The following XRCC4 variants were observed in gnomAD, a reference collection of about 807,000 sequenced individuals.
XRCC4 encodes the protein DNA repair protein XRCC4.
XRCC4 carries 28 observed loss-of-function variants against 39.1 expected under a neutral mutation model. The ratio of observed to expected loss-of-function variants is 0.72; its 90% confidence interval spans 0.53 to 0.98. The LOEUF is 0.98. Among genes scored for constraint, XRCC4 ranks in the 50% least tolerant of loss-of-function variants. The probability of loss-of-function intolerance (pLI) is 0.00; values close to 1 mark genes in which losing one functional copy is unlikely to be tolerated. For synonymous variants in XRCC4, 123 were observed against 126.4 expected, an observed-to-expected ratio of 0.97 and a Z score of 0.18; for missense variants, 350 against 376.4, an observed-to-expected ratio of 0.93 and a Z score of 0.58.
chr5:83,210,576 C>T (rs549454000), intron 6 of XRCC4, among the ~76,000 whole-genome samples: 2 of 152,214 alleles, frequency 1.3e-5, no homozygotes, highest in East Asian at 1.9e-4. Context: ...CACATTAGCA[C>T]GTCTACTCTT....
At chr5:83,096,607 C>A (rs1745690694) in intron 1 of XRCC4, among the ~76,000 whole-genome samples, 1 of 152,154 alleles carries the variant, frequency 6.6e-6, no homozygotes, top group Admixed American at 6.5e-5. Flanking sequence ...AGCCTCCTAC[C>A]TGAATCCCAA....
intron 7 of XRCC4, among the ~76,000 whole-genome samples, chr5:83,332,296 A>G (rs1756464270): frequency 6.6e-6 from 1 of 151,514 alleles, no homozygotes. Context: ...GAAATGGACC[A>G]CTTGCACTGT....
the XRCC4 span, among the ~76,000 whole-genome samples, chr5:83,362,695 A>G: frequency 1.3e-5 from 2 of 152,328 alleles, no homozygotes; most frequent in Admixed American, 1.3e-4. Flanking sequence ...ATCATACAAG[A>G]TACCAGTAAC....
chr5:83,139,133 C>T (rs1748041287), intron 3 of XRCC4, among the ~76,000 whole-genome samples: 1 of 152,082 alleles, frequency 6.6e-6, no homozygotes, highest in South Asian at 2.1e-4. Context: ...AATCCAGTAT[C>T]CCACATTGCA....
intron 7 of XRCC4, among the ~76,000 whole-genome samples, chr5:83,338,133 T>A (rs1756647804): frequency 6.6e-6 from 1 of 152,182 alleles, no homozygotes; most frequent in South Asian, 2.1e-4. Context: ...AGAATGGTAG[T>A]CAAGAAGCTA....
Position 83,205,036 on chromosome 5 carries a change from C to G in XRCC4, c.745+115C>G, listed in dbSNP as rs779212297. On this transcript the variant is annotated intron_variant, in intron 6 of 7. Transcript: ENST00000396027. Reference sequence around the variant, plus strand: ...TGAAAGACCTTATTCTATGAAAATTCTTTAGCATTTTTATTTTAAAAACTC... The same window carrying G: ...TGAAAGACCTTATTCTATGAAAATTGTTTAGCATTTTTATTTTAAAAACTC... 4.4e-6 allele frequency: 3 copies of G among 687,430 alleles called. No homozygotes were observed. In the African/African-American group the frequency reaches 5.4e-5, roughly 12 times the overall value. The allele number at this position is 687,430 out of a possible 1,614,324, so 42.6% of individuals were successfully genotyped here.
rs139424122 is a variant in XRCC4 at position 83,230,343 on chromosome 5, G to A, written c.745+25422G>A. Among the ~76,000 whole-genome samples, 509 of 151,964 alleles carry A rather than the reference G, an allele frequency of 3.3e-3. 2 individuals carry two copies. Among genetic ancestry groups the A allele is most frequent in the Non-Finnish European group, 5.3e-3 (360 of 67,898 alleles). On this transcript the variant is annotated intron_variant, in intron 6 of 7. Transcript: ENST00000396027. ...AACTACATAGCAAACCTACACAGGC[G>A]TTCTATCTCTGATATATTATCACAT...
intron 3 of XRCC4, among the ~76,000 whole-genome samples, chr5:83,113,534 A>G (rs928189519): frequency 1.3e-5 from 2 of 151,492 alleles, no homozygotes; most frequent in Non-Finnish European, 2.9e-5. Context: ...CCAACCCCAC[A>G]TTTCCCTTCT....
At chr5:83,284,863 T>A (rs890037609) in intron 7 of XRCC4, among the ~76,000 whole-genome samples, 9 of 152,106 alleles carry the variant, frequency 5.9e-5, no homozygotes, top group Non-Finnish European at 1.2e-4. Context: ...TACCTGATTA[T>A]TTTCTAGATA....
chr5:83,196,879 A>G (rs1750973579), intron 4 of XRCC4, among the ~76,000 whole-genome samples: 1 of 151,890 alleles, frequency 6.6e-6, no homozygotes, highest in South Asian at 2.1e-4. Context: ...GTTAGTGAGT[A>G]TATGTGAAAG....
intron 1 of XRCC4, among the ~76,000 whole-genome samples, chr5:83,080,308 C>G (rs1744877627): frequency 6.6e-6 from 1 of 152,076 alleles, no homozygotes; most frequent in South Asian, 2.1e-4. Flanking sequence ...GGGCAGATCA[C>G]TTGAGGTCAG....
chr5:83,139,748 A>G (rs1748079181), intron 3 of XRCC4, among the ~76,000 whole-genome samples: 1 of 152,228 alleles, frequency 6.6e-6, no homozygotes, highest in African/African-American at 2.4e-5. Context: ...TACTGTAGGC[A>G]GTTGTAATAC....
chr5:83,110,232 A>G (rs746149316), intron 2 of XRCC4, among the ~76,000 whole-genome samples: 1 of 152,040 alleles, frequency 6.6e-6, no homozygotes, highest in Admixed American at 6.6e-5. Context: ...TTCCACAGAT[A>G]GAAGAAACAT....
chr5:83,163,094 G>A (rs1749298322), intron 3 of XRCC4, among the ~76,000 whole-genome samples: 1 of 151,564 alleles, frequency 6.6e-6, no homozygotes, highest in South Asian at 2.1e-4. Flanking sequence ...TTTCAAGCAT[G>A]TGCCACCACA....
At chr5:83,162,183 A>G (rs1404857441) in intron 3 of XRCC4, among the ~76,000 whole-genome samples, 1 of 152,170 alleles carries the variant, frequency 6.6e-6, no homozygotes, top group African/African-American at 2.4e-5. Flanking sequence ...AAATAAATTA[A>G]TTAGTTTTAA....
At chr5:83,205,498 A>T (rs1252987610) in intron 6 of XRCC4, among the ~76,000 whole-genome samples, 1 of 152,114 alleles carries the variant, frequency 6.6e-6, no homozygotes, top group Non-Finnish European at 1.5e-5. Context: ...GTTATTTTTT[A>T]AAATGTTTTA....
At position 83,251,523 on chromosome 5, in the gene XRCC4, C is replaced by CAA. The variant is rs60359773; in HGVS notation, c.746-6984_746-6983dup. Among the ~76,000 whole-genome samples, 479 of 68,990 alleles carry CAA rather than the reference C, an allele frequency of 6.9e-3. 13 individuals are homozygous for CAA. The East Asian group carries it at 0.079, about 11-fold the overall frequency. The allele number at this position is 68,990 out of a possible 152,430, so 45.3% of individuals were successfully genotyped here. A position where few individuals can be genotyped will look rare whatever the true frequency, so the allele number is the denominator to read the frequency against. Reference sequence around the variant, plus strand: ...TGGGCGACAGAACGAGACTCCGTCTCAAAAAAAAAAAAAAAAAAAAAAAAT... The same window carrying CAA: ...TGGGCGACAGAACGAGACTCCGTCTCAAAAAAAAAAAAAAAAAAAAAAAAAAT... On this transcript the variant is annotated intron_variant, in intron 6 of 7. Coordinates refer to ENST00000396027, the MANE Select transcript of XRCC4 (RefSeq NM_003401.5).
rs138680775 is a variant in XRCC4 at position 83,198,644 on chromosome 5, A to C, written c.482+2708A>C. 7.0e-4 allele frequency among the ~76,000 whole-genome samples: 106 copies of C among 152,278 alleles called. 1 individual carries two copies. The highest frequency in any genetic ancestry group is 3.4e-3 in the Middle Eastern group (1 of 294). ...TATTTAAATATGTATCACCATTATA[A>C]TCAAACAATTATAAAGCTATTTTCA... On this transcript the variant is annotated intron_variant, in intron 4 of 7. Transcript: ENST00000396027.
chr5:83,087,332 TAAA>T (rs747642410), intron 1 of XRCC4, among the ~76,000 whole-genome samples: 19 of 151,540 alleles, frequency 1.3e-4, no homozygotes, highest in Middle Eastern at 6.8e-3. Context: ...AAATAAAAAA[TAAA>T]AAGACATTTC....
Sources: gnomAD v4.1 joint callset for allele counts (sites outside exome capture counted in the v4.1 genomes callset) on GRCh38, gnomAD v4.1.1 for gene constraint, MANE v1.5 for transcripts, NCBI Gene and HGNC (gene_info 2026-07-23, HGNC 2026-07-21) for gene names.